Variants in VWF observed in about 807,000 individuals in gnomAD.
The protein encoded by VWF is von Willebrand factor.
Under a neutral mutation model 308.6 loss-of-function variants are expected in VWF, and 176 were observed. The observed-to-expected ratio is 0.57, with a 90% CI of 0.50 to 0.65. The LOEUF (loss-of-function observed/expected upper bound fraction) is 0.65. VWF is among the 30% of genes least tolerant of loss of function. VWF has a pLI of 0.00. For missense variants in VWF, 3,146 were observed against 3,648.2 expected (o/e 0.86, Z 3.55); for synonymous variants, 1,385 against 1,443.4 (o/e 0.96, Z 0.92).
At chr12:5,980,221 AGG>A (rs1943589580) in intron 42 of VWF, among the ~76,000 whole-genome samples, 1 of 25,588 alleles carries the variant, frequency 3.9e-5, no homozygotes, top group Non-Finnish European at 6.8e-5. Flanking sequence ...GTAGGGAGGG[AGG>A]GAGGGAGGGA....
intron 18 of VWF, among the ~76,000 whole-genome samples, chr12:6,043,560 C>G (rs1201637232): frequency 1.3e-5 from 2 of 152,144 alleles, no homozygotes; most frequent in East Asian, 3.9e-4. Context: ...AGGATGTATG[C>G]GTAATCTATT....
intron 5 of VWF, among the ~76,000 whole-genome samples, chr12:6,107,524 G>GAT (rs1945256423): frequency 6.6e-6 from 1 of 152,012 alleles, no homozygotes; most frequent in African/African-American, 2.4e-5. Context: ...AATGGAAAAA[G>GAT]ATACATCAAA....
chr12:6,054,259 C>A (rs1463014709), intron 15 of VWF, among the ~76,000 whole-genome samples: 6 of 152,176 alleles, frequency 3.9e-5, no homozygotes, highest in African/African-American at 1.2e-4. Context: ...GAAGGGAGGG[C>A]CTCTTTAATC....
intron 5 of VWF, among the ~76,000 whole-genome samples, chr12:6,104,014 T>C (rs1490913434): frequency 6.6e-6 from 1 of 152,152 alleles, no homozygotes; most frequent in African/African-American, 2.4e-5. Flanking sequence ...TTGCAAACTT[T>C]TTCATCCAGC....
chr12:5,980,091 AAAGGAAGGAAGG>A (rs199720992), intron 42 of VWF, among the ~76,000 whole-genome samples: 2,402 of 74,740 alleles, frequency 0.032, 71 homozygotes, highest in African/African-American at 0.075. Context: ...GAAAAGAAAG[AAAGGAAGGAAGG>A]AAGGAAGGAA....
intron 38 of VWF, among the ~76,000 whole-genome samples, chr12:5,987,795 G>T (rs939597145): frequency 6.6e-6 from 1 of 152,144 alleles, no homozygotes; most frequent in East Asian, 1.9e-4. Flanking sequence ...AAATGTAAAC[G>T]AATCTATAGT....
Position 6,057,864 on chromosome 12 carries a change from G to A in VWF, c.1714C>T (p.Leu572Phe). Residue 572 changes from leucine (L) to phenylalanine (F), a missense_variant, in exon 14 of 52, where the codon CTC becomes TTC. Leu to Phe is a conservative substitution (Grantham distance 22). Transcript: ENST00000261405. ...LQKQHSDPCALNPRMTRFSEE... is the reference protein window; with the variant it reads ...LQKQHSDPCAFNPRMTRFSEE... Reference sequence around the variant, plus strand: ...GTTCACATACTCATGCGCGGGTTGAGGGCGCAGGGATCGCTGTGCTGCTTC... The same window carrying A: ...GTTCACATACTCATGCGCGGGTTGAAGGCGCAGGGATCGCTGTGCTGCTTC... The A allele has an allele frequency of 6.2e-7, 1 of 1,609,228 alleles. No individual in the cohort carries two copies. The highest frequency in any genetic ancestry group is 1.3e-5 in the African/African-American group (1 of 74,920).
chr12:5,951,652 AG>A (rs1452361622), intron 50 of VWF, among the ~76,000 whole-genome samples, 191 bp downstream of exon 50: 1 of 152,206 alleles, frequency 6.6e-6, no homozygotes, highest in African/African-American at 2.4e-5. Context: ...ATGACATCCA[AG>A]GAGGGGAGGC....
Position 6,110,285 on chromosome 12 carries a change from C to T in VWF, c.532+89G>A, listed in dbSNP as rs529610706. 824 of 1,392,532 alleles carry T rather than the reference C, an allele frequency of 5.9e-4. 19 individuals are homozygous for T. In the South Asian group the frequency reaches 6.2e-3, roughly 11 times the overall value. The allele number at this position is 1,392,532 out of a possible 1,614,324, so 86.3% of individuals were successfully genotyped here. A position where few individuals can be genotyped will look rare whatever the true frequency, so the allele number is the denominator to read the frequency against. On this transcript the variant is annotated intron_variant, in intron 5 of 51. Transcript: ENST00000261405. ...GTGAGGTCACAGTGAGGCTTGAATG[C>T]CAGGGAAGGCATGTTAGTGAAGGTT...
At chr12:6,045,500 G>C (rs955155623) in intron 17 of VWF, among the ~76,000 whole-genome samples, 4 of 152,108 alleles carry the variant, frequency 2.6e-5, no homozygotes, top group African/African-American at 9.7e-5. Context: ...GAGTGGGTGT[G>C]GGGAAAACTC....
rs752540502 is a variant in VWF at position 5,996,213 on chromosome 12, G to A, written c.5852C>T (p.Thr1951Ile). 1.2e-6 allele frequency: 2 copies of A among 1,612,156 alleles called. No homozygotes were observed. Among genetic ancestry groups the A allele is most frequent in the Admixed American group, 1.7e-5 (1 of 59,798 alleles). The change falls in exon 35 of 52, where the codon ACA (threonine) becomes ATA (isoleucine). Residue 1951 changes from threonine to isoleucine, a missense_variant. This residue lies in a region of VWF where 989 missense variants were observed against 1,117.4 expected (regional missense o/e 0.89). Coordinates refer to ENST00000261405, the MANE Select transcript of VWF (RefSeq NM_000552.5). ...CACGATGTGCCGAGTGGAGCTGCCTGTGCACACGCCTGGACAGAGAGAAGC... is the reference window on the plus strand; with the variant it reads ...CACGATGTGCCGAGTGGAGCTGCCTATGCACACGCCTGGACAGAGAGAAGC... ...GCRWTCPCVC[T>I]GSSTRHIVTF...
intron 38 of VWF, among the ~76,000 whole-genome samples, chr12:5,987,885 T>G (rs1361533228): frequency 6.6e-6 from 1 of 152,234 alleles, no homozygotes; most frequent in Non-Finnish European, 1.5e-5. Context: ...GGGATGGAAA[T>G]TCATTATCTT....
rs1172747436 is a variant in VWF, at chr12:6,024,233, A to T, written c.3223-446T>A. ...AATGGGGAAATACATCAGGCCCTGC[A>T]GCTGCCTCACTGCAGTGCTATGGGG... On this transcript the variant is annotated intron_variant, in intron 24 of 51. Coordinates refer to ENST00000261405, the MANE Select transcript of VWF (RefSeq NM_000552.5). The surrounding 1 kb of genome is among the most constrained non-coding windows in gnomAD (Gnocchi z 4.0). Among the ~76,000 whole-genome samples, 1 of 152,256 alleles carries T rather than the reference A, an allele frequency of 6.6e-6. No individual in the cohort carries two copies. Among genetic ancestry groups the T allele is most frequent in the Non-Finnish European group, 1.5e-5 (1 of 68,046 alleles).
rs1353965159 is a variant in VWF at position 6,019,314 on chromosome 12, G to T, written c.4104C>A (p.Ile1368=). Residue 1368 remains isoleucine, a synonymous_variant, in exon 28 of 52, where the codon ATC becomes ATA. Coordinates refer to ENST00000261405, the MANE Select transcript of VWF (RefSeq NM_000552.5). This position sits in a 1 kb window ranked among gnomAD's most constrained non-coding sequence, Gnocchi z 5.8. ...SEVLKYTLFQ[I]FSKIDRPEAS... ...CTTCAGGGCGGTCGATCTTGCTGAA[G>T]ATTTGGAACAGTGTGTATTTCAAGA... 5 of 1,613,834 alleles carry T rather than the reference G, an allele frequency of 3.1e-6. No homozygotes were observed. The African/African-American group carries it at 6.7e-5, about 22-fold the overall frequency.
intron 42 of VWF, among the ~76,000 whole-genome samples, chr12:5,979,106 C>CA (rs1565816623): frequency 6.6e-6 from 1 of 152,240 alleles, no homozygotes; most frequent in Middle Eastern, 3.4e-3. Flanking sequence ...AAGCTAAAAA[C>CA]AAAAAACCTC....
intron 43 of VWF, among the ~76,000 whole-genome samples, chr12:5,975,222 T>C (rs1411371049): frequency 6.6e-6 from 1 of 152,222 alleles, no homozygotes; most frequent in Non-Finnish European, 1.5e-5. Context: ...CGTCAAACCA[T>C]TCACCTCGAA....
Position 6,075,302 on chromosome 12 carries a change from G to A in VWF, c.874+33C>T, listed in dbSNP as rs201699311. On this transcript the variant is annotated intron_variant, in intron 7 of 51. Coordinates refer to ENST00000261405, the MANE Select transcript of VWF (RefSeq NM_000552.5). The surrounding 1 kb of genome is among the most constrained non-coding windows in gnomAD (Gnocchi z 4.7). ...CACCCAGGACAGACCGTTCATCCCCGGCAGGGCAGGACGGGGCAGGGGGCC... is the reference window on the plus strand; with the variant it reads ...CACCCAGGACAGACCGTTCATCCCCAGCAGGGCAGGACGGGGCAGGGGGCC... 55 of 1,613,214 alleles carry A rather than the reference G, an allele frequency of 3.4e-5. No homozygotes were observed. The highest frequency in any genetic ancestry group is 1.1e-4 in the East Asian group (5 of 44,876).
chr12:6,026,114 G>A, intron 22 of VWF, 68 bp from the exon 23 acceptor site: 9 of 1,610,188 alleles, frequency 5.6e-6, no homozygotes, highest in South Asian at 2.2e-5. Flanking sequence ...CAGGGGAAAG[G>A]GGAACATTCC....
intron 6 of VWF, among the ~76,000 whole-genome samples, chr12:6,088,578 G>A (rs776857375): frequency 6.6e-6 from 1 of 151,890 alleles, no homozygotes; most frequent in African/African-American, 2.4e-5. Flanking sequence ...CCAGCCCCCC[G>A]GAGCCTTGGG....
Sources: gnomAD v4.1 joint callset for allele counts (sites outside exome capture counted in the v4.1 genomes callset) on GRCh38, gnomAD v4.1.1 for gene constraint, gnomAD v4.1.1 regional missense constraint, Gnocchi (gnomAD v3.1) non-coding constraint, MANE v1.5 for transcripts, NCBI Gene and HGNC (gene_info 2026-07-23, HGNC 2026-07-21) for gene names.